Variants in THEMIS observed in about 807,000 individuals in gnomAD.
The protein encoded by THEMIS is thymocyte selection associated, also known as protein THEMIS.
In THEMIS, 37 loss-of-function variants were observed where a neutral mutation model predicts 52.6. The observed-to-expected ratio is 0.70, with a 90% CI of 0.54 to 0.93. THEMIS has a LOEUF of 0.93. Among genes scored for constraint, THEMIS ranks in the 40% least tolerant of loss-of-function variants. THEMIS has a pLI of 0.00. For missense variants in THEMIS, 808 were observed against 763.1 expected, an observed-to-expected ratio of 1.06 and a Z score of -0.69; for synonymous variants, 292 against 272.7, an observed-to-expected ratio of 1.07 and a Z score of -0.70.
chr6:127,745,510 G>C (rs753391970), intron 4 of THEMIS, among the ~76,000 whole-genome samples: 1 of 151,758 alleles, frequency 6.6e-6, no homozygotes, highest in Admixed American at 6.6e-5. Flanking sequence ...CCTGTACTAC[G>C]ATATCAAACT....
rs114288060 is a variant in THEMIS, at chr6:127,892,580, C to T, written c.91+8262G>A. Among the ~76,000 whole-genome samples the T allele has an allele frequency of 3.7e-3, 562 of 151,308 alleles. 6 individuals carry two copies. The highest frequency in any genetic ancestry group is 0.013 in the African/African-American group (538 of 41,492). On this transcript the variant is annotated intron_variant, in intron 1 of 5. Transcript: ENST00000368248. The stretch of plus-strand genomic sequence containing the variant: ...AATGCATTATTAGGATGTATGTAAG[C>T]TATTCCATTCTAGGCTCGCTTAACA...
chr6:127,904,426 A>G (rs1396315807), upstream of THEMIS, among the ~76,000 whole-genome samples: 1 of 152,040 alleles, frequency 6.6e-6, no homozygotes, highest in Non-Finnish European at 1.5e-5. Context: ...GCTTCCTAAG[A>G]GAAAGGGTTG....
chr6:127,704,660 A>T (rs1773777609), downstream of THEMIS, among the ~76,000 whole-genome samples: 1 of 152,218 alleles, frequency 6.6e-6, no homozygotes. Flanking sequence ...GGAATTCATA[A>T]GATCAAGTAA....
At chr6:127,822,848 G>A (rs1303759686) in intron 3 of THEMIS, among the ~76,000 whole-genome samples, 1 of 152,034 alleles carries the variant, frequency 6.6e-6, no homozygotes, top group Non-Finnish European at 1.5e-5. Context: ...AGAATTCCCA[G>A]AGAAAAGGAA....
chr6:127,746,673 A>T (rs957387781), intron 4 of THEMIS, among the ~76,000 whole-genome samples: 1 of 130,174 alleles, frequency 7.7e-6, no homozygotes, highest in East Asian at 2.1e-4. Flanking sequence ...TTCAATATAG[A>T]TTTGTTATAC....
chr6:127,914,736 AATGT>A (rs1307431268), intron 1 of THEMIS, among the ~76,000 whole-genome samples: 42 of 152,240 alleles, frequency 2.8e-4, no homozygotes, highest in Non-Finnish European at 5.3e-4. Context: ...GGAACTTTCA[AATGT>A]ATGTAAATGA....
intron 4 of THEMIS, among the ~76,000 whole-genome samples, chr6:127,767,943 T>C (rs1036203007): frequency 4.6e-5 from 7 of 152,190 alleles, no homozygotes; most frequent in Admixed American, 2.6e-4. Context: ...ACTGTATATA[T>C]GTGGTCCATA....
At chr6:127,782,311 C>A (rs926074171) in intron 4 of THEMIS, among the ~76,000 whole-genome samples, 3 of 152,144 alleles carry the variant, frequency 2.0e-5, no homozygotes, top group African/African-American at 7.2e-5. Flanking sequence ...GTGAACAGTT[C>A]TGTCTCACTG....
At chr6:127,714,217 T>C (rs1774081183) in intron 5 of THEMIS, among the ~76,000 whole-genome samples, 1 of 151,888 alleles carries the variant, frequency 6.6e-6, no homozygotes, top group Non-Finnish European at 1.5e-5. Flanking sequence ...CCCCGTGGTA[T>C]ACCTGAATCA....
At chr6:127,901,175 G>C, upstream of THEMIS, 1 of 550,224 alleles carries the variant, frequency 1.8e-6, no homozygotes, top group South Asian at 2.3e-5. Flanking sequence ...ATTTCCTTCT[G>C]ACATTGAAGT....
At chr6:127,744,025 T>G (rs1261097492) in intron 4 of THEMIS, among the ~76,000 whole-genome samples, 1 of 152,188 alleles carries the variant, frequency 6.6e-6, no homozygotes, top group East Asian at 1.9e-4. Flanking sequence ...GTTGACCAAA[T>G]TTTCAACATC....
chr6:127,892,266 T>A (rs974492771), intron 1 of THEMIS, among the ~76,000 whole-genome samples: 2 of 152,204 alleles, frequency 1.3e-5, no homozygotes, highest in African/African-American at 4.8e-5. Context: ...AGTTTGCACT[T>A]GTTCTGTCCT....
At chr6:127,701,047 T>C in the THEMIS span, among the ~76,000 whole-genome samples, 50 of 152,192 alleles carry the variant, frequency 3.3e-4, 1 homozygote, top group Non-Finnish European at 7.2e-4. Flanking sequence ...CGTAATTCTA[T>C]AGTGCAAACC....
At chr6:127,901,917 T>C (rs1330442714), upstream of THEMIS, among the ~76,000 whole-genome samples, 2 of 152,068 alleles carry the variant, frequency 1.3e-5, no homozygotes, top group African/African-American at 4.8e-5. Context: ...CTCATGAACA[T>C]TGATCTCTTC....
chr6:127,811,690 A>G (rs1046349499), intron 4 of THEMIS, among the ~76,000 whole-genome samples: 16 of 151,994 alleles, frequency 1.1e-4, no homozygotes, highest in African/African-American at 3.6e-4. Context: ...CAAAGAAGAC[A>G]TTTCATTTCT....
chr6:127,698,575 T>A, the THEMIS span, among the ~76,000 whole-genome samples: 6 of 152,198 alleles, frequency 3.9e-5, 1 homozygote, highest in Admixed American at 2.0e-4. Context: ...TGTTATAATG[T>A]TTATCCTTAA....
At chr6:127,807,368 A>G in intron 4 of THEMIS, 1 of 254,866 alleles carries the variant, frequency 3.9e-6, no homozygotes, top group Non-Finnish European at 7.8e-6. Flanking sequence ...AAAAAAAAAA[A>G]AGCTAAAATT....
At chr6:127,735,247 C>T (rs192661353) in intron 4 of THEMIS, among the ~76,000 whole-genome samples, 2 of 151,924 alleles carry the variant, frequency 1.3e-5, no homozygotes, top group Admixed American at 1.3e-4. Flanking sequence ...GGGCGTCTAA[C>T]CTTTGTAACT....
chr6:127,757,784 A>G (rs547326434), intron 4 of THEMIS, among the ~76,000 whole-genome samples: 1 of 152,212 alleles, frequency 6.6e-6, no homozygotes, highest in East Asian at 1.9e-4. Context: ...TGCCCGGCCC[A>G]TATATCACAT....
Sources: gnomAD v4.1 joint callset for allele counts (sites outside exome capture counted in the v4.1 genomes callset) on GRCh38, gnomAD v4.1.1 for gene constraint, MANE v1.5 for transcripts, NCBI Gene and HGNC (gene_info 2026-07-23, HGNC 2026-07-21) for gene names.